Variants in RAVER2 observed in about 807,000 individuals in gnomAD.
The protein encoded by RAVER2 is ribonucleoprotein, PTB binding 2, also known as ribonucleoprotein PTB-binding 2.
Under a neutral mutation model 78.1 loss-of-function variants are expected in RAVER2, and 46 were observed. The observed-to-expected ratio is 0.59, with a 90% CI of 0.46 to 0.75. The LOEUF is 0.75. Ranked by LOEUF, RAVER2 falls within the 30% of genes least tolerant of loss-of-function variation. The pLI is 0.00. For synonymous variants in RAVER2, 311 were observed against 313.3 expected, an observed-to-expected ratio of 0.99 and a Z score of 0.08; for missense variants, 793 against 837.5, an observed-to-expected ratio of 0.95 and a Z score of 0.66.
At chr1:64,793,361 T>C (rs1212512865) in intron 5 of RAVER2, among the ~76,000 whole-genome samples, 1 of 152,156 alleles carries the variant, frequency 6.6e-6, no homozygotes, top group African/African-American at 2.4e-5. Context: ...TTAATTTCCC[T>C]CCCAGGTCCA....
intron 1 of RAVER2, among the ~76,000 whole-genome samples, chr1:64,764,541 A>G (rs993800386): frequency 6.6e-6 from 1 of 152,188 alleles, no homozygotes; most frequent in African/African-American, 2.4e-5. Context: ...AAGGAAAAAG[A>G]TTGATAAATT....
chr1:64,759,480 A>G (rs947049168), intron 1 of RAVER2, among the ~76,000 whole-genome samples: 32 of 150,516 alleles, frequency 2.1e-4, no homozygotes, highest in Non-Finnish European at 2.2e-4. Context: ...CGGCCTCCCA[A>G]AGTGCTGGGA....
intron 1 of RAVER2, among the ~76,000 whole-genome samples, chr1:64,752,465 TTTAA>T (rs1651726771): frequency 6.6e-6 from 1 of 152,200 alleles, no homozygotes; most frequent in South Asian, 2.1e-4. Flanking sequence ...GATAGTCTCT[TTTAA>T]AAGTTCTCCC....
intron 1 of RAVER2, among the ~76,000 whole-genome samples, chr1:64,746,668 G>C (rs745749717): frequency 1.3e-5 from 2 of 152,174 alleles, no homozygotes; most frequent in Non-Finnish European, 2.9e-5. Context: ...TGCAGTGTCT[G>C]TCAGTATTGT....
At position 64,745,877 on chromosome 1, in the gene RAVER2, G is replaced by C. The variant is rs1651519277; in HGVS notation, c.249+456G>C. On this transcript the variant is annotated intron_variant, in intron 1 of 11. Coordinates refer to ENST00000294428, the Ensembl canonical transcript of RAVER2. This position sits in a 1 kb window ranked among gnomAD's most constrained non-coding sequence, Gnocchi z 4.3. ...GTGCTCGGGAGTGCCATAGGGGGCA[G>C]GGGCACGAGAGAGCTGGGAGTGAGT... Among the ~76,000 whole-genome samples the C allele has an allele frequency of 6.6e-6, 1 of 152,204 alleles. No individual in the cohort carries two copies.
rs761787530 is a variant in RAVER2 at position 64,804,721 on chromosome 1, G to A, written c.1192-13G>A. On this transcript the variant is annotated splice_polypyrimidine_tract_variant and intron_variant, in intron 6 of 11. Transcript: ENST00000294428. ...TTCAAAATTAAACTGACAACGTTTT[G>A]TCATTTTCACAGAGCTCAGTTATGG... The A allele has an allele frequency of 3.1e-6, 4 of 1,286,622 alleles. No homozygotes were observed. Among genetic ancestry groups the A allele is most frequent in the African/African-American group, 1.5e-5 (1 of 67,036 alleles). The allele number at this position is 1,286,622 out of a possible 1,614,324, so 79.7% of individuals were successfully genotyped here.
chr1:64,754,471 C>T lies in RAVER2; in HGVS notation c.249+9050C>T, dbSNP rs17126964. Reference sequence around the variant, plus strand: ...CTAAAATGCTATATTTCCATTGAGACGTCTGACCCCCGGCACACTCTCAGG... The same window carrying T: ...CTAAAATGCTATATTTCCATTGAGATGTCTGACCCCCGGCACACTCTCAGG... On this transcript the variant is annotated intron_variant, in intron 1 of 11. Coordinates refer to ENST00000294428, the Ensembl canonical transcript of RAVER2. Among the ~76,000 whole-genome samples, 1,402 of 152,132 alleles carry T rather than the reference C, an allele frequency of 9.2e-3. 26 individuals are homozygous for T. Among genetic ancestry groups the T allele is most frequent in the African/African-American group, 0.032 (1,341 of 41,464 alleles).
chr1:64,831,324 CAG>C (rs1326898241), exon 12 of RAVER2: 7 of 169,736 alleles, frequency 4.1e-5, no homozygotes, highest in African/African-American at 4.7e-5. Context: ...AAATGGGAAA[CAG>C]TGTTGTTTCC....
exon 8 of RAVER2, chr1:64,805,066 A>C (rs1414478834): frequency 4.3e-6 from 7 of 1,613,802 alleles, no homozygotes; most frequent in Non-Finnish European, 5.9e-6. Context: ...GCTTCCATTG[A>C]AAAAGGAGTT....
At chr1:64,779,900 T>C (rs1262417014) in intron 3 of RAVER2, among the ~76,000 whole-genome samples, 1 of 151,508 alleles carries the variant, frequency 6.6e-6, no homozygotes, top group African/African-American at 2.4e-5. Context: ...TTCAAAAGAG[T>C]GGAAAATTAA....
chr1:64,788,748 C>T (rs147540371), intron 4 of RAVER2, among the ~76,000 whole-genome samples: 8,696 of 148,446 alleles, frequency 0.059, 299 homozygotes, highest in Non-Finnish European at 0.086. Context: ...GTCGAGATCA[C>T]GCCACTGCAC....
chr1:64,824,143 G>C (rs1348393036), intron 11 of RAVER2, among the ~76,000 whole-genome samples: 1 of 152,128 alleles, frequency 6.6e-6, no homozygotes, highest in Non-Finnish European at 1.5e-5. Flanking sequence ...GCCATATGTG[G>C]CAGTTGTCCA....
rs1178176246 is a variant in RAVER2 at position 64,745,999 on chromosome 1, C to T, written c.249+578C>T. ...CCAGAATAGAGTTATTGCTGCGCTC[C>T]TTGGAGCCTTGCAGCCGCCTCCTGC... is the stretch of plus-strand genomic sequence containing the variant. On this transcript the variant is annotated intron_variant, in intron 1 of 11. Coordinates refer to ENST00000294428, the Ensembl canonical transcript of RAVER2. This position sits in a 1 kb window ranked among gnomAD's most constrained non-coding sequence, Gnocchi z 4.3. 6.6e-6 allele frequency among the ~76,000 whole-genome samples: 1 copy of T among 152,222 alleles called. No homozygotes were observed. Among genetic ancestry groups the T allele is most frequent in the African/African-American group, 2.4e-5 (1 of 41,444 alleles).
chr1:64,816,173 T>A (rs983504678), intron 11 of RAVER2: 1 of 152,186 alleles, frequency 6.6e-6, no homozygotes, highest in Middle Eastern at 3.2e-3. Context: ...TGCCTTTTTC[T>A]TAGCAGTTTT....
intron 5 of RAVER2, among the ~76,000 whole-genome samples, chr1:64,801,098 A>ATAT (rs1219014858): frequency 1.3e-5 from 2 of 149,164 alleles, no homozygotes; most frequent in Admixed American, 6.7e-5. Flanking sequence ...ATAATTTTGT[A>ATAT]TATTATTATT....
intron 1 of RAVER2, among the ~76,000 whole-genome samples, chr1:64,746,447 T>C (rs1037437513): frequency 3.3e-5 from 5 of 152,230 alleles, no homozygotes; most frequent in African/African-American, 7.2e-5. Flanking sequence ...GTCCTGGTAG[T>C]TGCGGATTTG....
chr1:64,796,213 T>A (rs947798404), intron 5 of RAVER2, among the ~76,000 whole-genome samples: 1 of 152,044 alleles, frequency 6.6e-6, no homozygotes, highest in Non-Finnish European at 1.5e-5. Context: ...AATTTTTGCA[T>A]CTATGTTTAT....
At chr1:64,832,044 A>AAGAC (rs1654154792) in exon 12 of RAVER2, 2 of 152,500 alleles carry the variant, frequency 1.3e-5, no homozygotes, top group African/African-American at 2.4e-5. Flanking sequence ...AATTCACCTA[A>AAGAC]AGACAGACCT....
chr1:64,822,208 A>G (rs1245089750), intron 11 of RAVER2, among the ~76,000 whole-genome samples: 1 of 152,222 alleles, frequency 6.6e-6, no homozygotes, highest in Non-Finnish European at 1.5e-5. Flanking sequence ...GAATGGCGTG[A>G]ACCCGGGAGG....
Sources: allele counts gnomAD v4.1 joint callset (sites outside exome capture counted in the v4.1 genomes callset), GRCh38; gene constraint gnomAD v4.1.1; non-coding constraint Gnocchi (gnomAD v3.1); transcripts MANE v1.5; gene names NCBI Gene and HGNC (gene_info 2026-07-23, HGNC 2026-07-21).